CHCHD6: variants seen among roughly 807,000 people sequenced by gnomAD.
CHCHD6 encodes the protein MICOS complex subunit MIC25.
Under a neutral mutation model 32.3 loss-of-function variants are expected in CHCHD6, and 28 were observed. The observed-to-expected ratio is 0.87, with a 90% CI of 0.64 to 1.19. The LOEUF (loss-of-function observed/expected upper bound fraction) is 1.19, where lower values mean the gene tolerates loss of function less well. CHCHD6 is among the 50% of genes most tolerant of loss of function. The pLI is 0.00. For synonymous variants in CHCHD6, 122 were observed against 117.5 expected, an observed-to-expected ratio of 1.04 and a Z score of -0.25; for missense variants, 333 against 307.0, an observed-to-expected ratio of 1.08 and a Z score of -0.63.
intron 4 of CHCHD6, among the ~76,000 whole-genome samples, chr3:126,747,924 A>G (rs1335691586): frequency 4.0e-5 from 6 of 151,806 alleles, no homozygotes; most frequent in Non-Finnish European, 7.4e-5. Context: ...CCTGGGCGTT[A>G]CCCTCTCTGC....
chr3:126,944,688 A>G (rs1208866817), intron 6 of CHCHD6, among the ~76,000 whole-genome samples: 1 of 152,246 alleles, frequency 6.6e-6, no homozygotes, highest in Non-Finnish European at 1.5e-5. Context: ...ACAGACGCAC[A>G]GCACCTGTGT....
chr3:126,752,351 C>T (rs998952678), intron 4 of CHCHD6, among the ~76,000 whole-genome samples: 2 of 152,194 alleles, frequency 1.3e-5, no homozygotes, highest in African/African-American at 4.8e-5. Flanking sequence ...CTGGTCACAG[C>T]AGCCCCTCTT....
At chr3:126,943,070 A>T (rs1662679543) in intron 6 of CHCHD6, among the ~76,000 whole-genome samples, 1 of 152,132 alleles carries the variant, frequency 6.6e-6, no homozygotes, top group African/African-American at 2.4e-5. Flanking sequence ...GTATTTGCTC[A>T]ATCAGTGAAC....
chr3:126,947,482 CAT>C (rs2078655562), intron 6 of CHCHD6, among the ~76,000 whole-genome samples: 1 of 152,220 alleles, frequency 6.6e-6, no homozygotes, highest in Admixed American at 6.5e-5. Flanking sequence ...GAGTGGAGCT[CAT>C]GTGGCGGTGC....
intron 4 of CHCHD6, among the ~76,000 whole-genome samples, chr3:126,799,650 C>G (rs1938971897): frequency 6.6e-6 from 1 of 152,230 alleles, no homozygotes; most frequent in Non-Finnish European, 1.5e-5. Context: ...GTGTACCCCA[C>G]TGACAGTATC....
At chr3:126,706,262 T>G (rs1396427880) in intron 1 of CHCHD6, among the ~76,000 whole-genome samples, 1 of 152,166 alleles carries the variant, frequency 6.6e-6, no homozygotes, top group Non-Finnish European at 1.5e-5. Context: ...TACATTTCAT[T>G]TCTAGTTCTC....
At position 126,930,966 on chromosome 3, in the gene CHCHD6, G is replaced by A. The variant is rs117921290; in HGVS notation, c.566+16216G>A. Among the ~76,000 whole-genome samples, 4 of 152,288 alleles carry A rather than the reference G, an allele frequency of 2.6e-5. No homozygotes were observed. The East Asian group carries it at 7.7e-4, about 29-fold the overall frequency. On this transcript the variant is annotated intron_variant, in intron 6 of 7. Transcript: ENST00000290913. Reference sequence around the variant, plus strand: ...GCCCATCTCTTCCTATCTGCCAAAGGCCCCCAGCCTGGAGTGTCTACAGTG... The same window carrying A: ...GCCCATCTCTTCCTATCTGCCAAAGACCCCCAGCCTGGAGTGTCTACAGTG...
At chr3:126,847,244 G>T (rs1289399190) in intron 4 of CHCHD6, among the ~76,000 whole-genome samples, 1 of 152,160 alleles carries the variant, frequency 6.6e-6, no homozygotes, top group African/African-American at 2.4e-5. Context: ...TCATTTGAAG[G>T]CTCCACTGGG....
At chr3:126,858,100 G>C (rs573837771) in intron 5 of CHCHD6, among the ~76,000 whole-genome samples, 2 of 152,150 alleles carry the variant, frequency 1.3e-5, no homozygotes, top group Non-Finnish European at 2.9e-5. Context: ...AAAGTGAGCC[G>C]TCCACAGCTG....
At chr3:126,869,795 C>G (rs964446365) in intron 5 of CHCHD6, among the ~76,000 whole-genome samples, 3 of 152,088 alleles carry the variant, frequency 2.0e-5, no homozygotes, top group African/African-American at 7.2e-5. Context: ...AAAAGCTCCC[C>G]CTTCCCTATT....
At chr3:126,906,486 C>T (rs771993683) in intron 5 of CHCHD6, among the ~76,000 whole-genome samples, 10 of 152,210 alleles carry the variant, frequency 6.6e-5, no homozygotes, top group Non-Finnish European at 1.5e-4. Flanking sequence ...GTGCCTCGTG[C>T]GGTCCAACAC....
intron 5 of CHCHD6, 33 bp from the exon 6 acceptor site, chr3:126,914,647 C>G (rs773139357): frequency 7.9e-7 from 1 of 1,268,956 alleles, no homozygotes; most frequent in South Asian, 1.2e-5. Flanking sequence ...AAATTTCAGT[C>G]TTTGGTAACC....
At chr3:126,895,188 A>G (rs2077820878) in intron 5 of CHCHD6, among the ~76,000 whole-genome samples, 1 of 152,248 alleles carries the variant, frequency 6.6e-6, no homozygotes, top group African/African-American at 2.4e-5. Context: ...AGATTCTTCA[A>G]GCTGGAAGGA....
At chr3:126,754,711 T>G (rs1936879232) in intron 4 of CHCHD6, among the ~76,000 whole-genome samples, 1 of 152,238 alleles carries the variant, frequency 6.6e-6, no homozygotes, top group Non-Finnish European at 1.5e-5. Flanking sequence ...AACCCTGATG[T>G]CTCTCTCCTT....
chr3:126,790,537 T>C (rs1235325679), intron 4 of CHCHD6, among the ~76,000 whole-genome samples: 1 of 152,232 alleles, frequency 6.6e-6, no homozygotes, highest in African/African-American at 2.4e-5. Context: ...TACTCTTTTT[T>C]CTTTAAACTT....
chr3:126,862,174 A>C (rs1482445582), intron 5 of CHCHD6, among the ~76,000 whole-genome samples: 3 of 38,222 alleles, frequency 7.8e-5, no homozygotes, highest in East Asian at 6.6e-4. Context: ...CACCATCACC[A>C]CCTCCTCCTC....
chr3:126,756,157 TCTTC>T (rs1936951313), intron 4 of CHCHD6, among the ~76,000 whole-genome samples: 1 of 152,054 alleles, frequency 6.6e-6, no homozygotes, highest in African/African-American at 2.4e-5. Context: ...TGGTCGTGAT[TCTTC>T]ACCAACCCCT....
At chr3:126,796,346 TGTCAATCA>T (rs1938791206) in intron 4 of CHCHD6, among the ~76,000 whole-genome samples, 2 of 152,276 alleles carry the variant, frequency 1.3e-5, no homozygotes, top group South Asian at 4.1e-4. Flanking sequence ...TGAGAGACCC[TGTCAATCA>T]GTTAATCACT....
At position 126,931,980 on chromosome 3, in the gene CHCHD6, C is replaced by T. The variant is rs563857046; in HGVS notation, c.566+17230C>T. Among the ~76,000 whole-genome samples the T allele has an allele frequency of 7.2e-4, 109 of 152,352 alleles. 2 individuals carry two copies. Among genetic ancestry groups the T allele is most frequent in the Non-Finnish European group, 5.3e-4 (36 of 68,042 alleles). ...TCCTAAGTTGCTGGGCTGGAAGCGG[C>T]AGAGCCAGGATTCAGGGCCTGGTCC... is the stretch of plus-strand genomic sequence containing the variant. On this transcript the variant is annotated intron_variant, in intron 6 of 7. Transcript: ENST00000290913.
Sources: gnomAD v4.1 joint callset for allele counts (sites outside exome capture counted in the v4.1 genomes callset) on GRCh38, gnomAD v4.1.1 for gene constraint, MANE v1.5 for transcripts, NCBI Gene and HGNC (gene_info 2026-07-23, HGNC 2026-07-21) for gene names.